The following DGKB variants were observed in gnomAD, a reference collection of about 807,000 sequenced individuals.
The protein encoded by DGKB is 90 kDa diacylglycerol kinase.
Under a neutral mutation model 114.3 loss-of-function variants are expected in DGKB, and 67 were observed. The ratio of observed to expected loss-of-function variants is 0.59; its 90% CI spans 0.48 to 0.72. The LOEUF (loss-of-function observed/expected upper bound fraction) is 0.72. Among genes scored for constraint, DGKB ranks in the 30% least tolerant of loss-of-function variants. DGKB has a pLI of 0.00. For missense variants in DGKB, 907 were observed against 975.2 expected, an observed-to-expected ratio of 0.93 and a Z score of 0.93; for synonymous variants, 398 against 323.1, an observed-to-expected ratio of 1.23 and a Z score of -2.49.
At chr7:14,810,973 G>T (rs977441379) in intron 2 of DGKB, among the ~76,000 whole-genome samples, 1 of 152,074 alleles carries the variant, frequency 6.6e-6, no homozygotes, top group African/African-American at 2.4e-5. Flanking sequence ...ATTTGGAGTA[G>T]CCACCTTTCA....
intron 23 of DGKB, among the ~76,000 whole-genome samples, chr7:14,230,943 TTAC>T (rs1791628393): frequency 6.6e-6 from 1 of 152,012 alleles, no homozygotes; most frequent in East Asian, 1.9e-4. Flanking sequence ...AATTAAATAA[TTAC>T]TATGTTATAA....
At position 14,662,084 on chromosome 7, in the gene DGKB, A is replaced by C. The variant is rs190923336; in HGVS notation, c.1134+10845T>G. 1.2e-3 allele frequency among the ~76,000 whole-genome samples: 189 copies of C among 152,098 alleles called. 3 individuals carry two copies. In the East Asian group the frequency reaches 0.031, roughly 25 times the overall value. On this transcript the variant is annotated intron_variant, in intron 13 of 25. Transcript: ENST00000402815. Reference sequence around the variant, plus strand: ...GTGGGGTTAGGGGAGAGGGATATCAATGGGAGATATACCTAATGCTAGATG... The same window carrying C: ...GTGGGGTTAGGGGAGAGGGATATCACTGGGAGATATACCTAATGCTAGATG...
At chr7:14,314,533 C>T (rs1806096588) in intron 23 of DGKB, among the ~76,000 whole-genome samples, 1 of 151,702 alleles carries the variant, frequency 6.6e-6, no homozygotes, top group Non-Finnish European at 1.5e-5. Context: ...AGGGTATCAG[C>T]AATGGAAGAT....
intron 21 of DGKB, among the ~76,000 whole-genome samples, chr7:14,346,743 T>C (rs1451537828): frequency 1.3e-5 from 2 of 151,956 alleles, no homozygotes; most frequent in Admixed American, 6.6e-5. Flanking sequence ...ATAGAATGGT[T>C]AGGCTTTTAT....
At chr7:14,314,711 G>C (rs1562913200) in intron 23 of DGKB, among the ~76,000 whole-genome samples, 2 of 152,044 alleles carry the variant, frequency 1.3e-5, no homozygotes, top group South Asian at 2.1e-4. Flanking sequence ...ACACTCTGCA[G>C]GATATTATCC....
chr7:14,370,963 A>G (rs1301156964), intron 21 of DGKB, among the ~76,000 whole-genome samples: 1 of 152,174 alleles, frequency 6.6e-6, no homozygotes, highest in East Asian at 1.9e-4. Flanking sequence ...AATGACCTCC[A>G]GCTACATATA....
At chr7:14,587,576 T>A (rs1800989729) in intron 17 of DGKB, among the ~76,000 whole-genome samples, 1 of 152,076 alleles carries the variant, frequency 6.6e-6, no homozygotes, top group Non-Finnish European at 1.5e-5. Flanking sequence ...GCAAACAGCA[T>A]CACATGCTAG....
intron 13 of DGKB, among the ~76,000 whole-genome samples, chr7:14,641,707 T>C (rs1347940610): frequency 1.3e-5 from 2 of 152,152 alleles, no homozygotes; most frequent in Non-Finnish European, 2.9e-5. Context: ...TTAGACTTTC[T>C]ATCACATCTT....
intron 1 of DGKB, among the ~76,000 whole-genome samples, chr7:14,863,746 C>T (rs1851309492): frequency 6.6e-6 from 1 of 151,964 alleles, no homozygotes. Flanking sequence ...ATCAACTTTT[C>T]ATGTTTTTTG....
intron 21 of DGKB, among the ~76,000 whole-genome samples, chr7:14,439,813 T>C (rs1829811579): frequency 7.0e-6 from 1 of 141,882 alleles, no homozygotes; most frequent in Admixed American, 7.6e-5. Context: ...TCAGTGAGCC[T>C]GAGATCATGC....
intron 21 of DGKB, among the ~76,000 whole-genome samples, chr7:14,445,993 C>T (rs1830674800): frequency 6.6e-6 from 1 of 152,050 alleles, no homozygotes; most frequent in Non-Finnish European, 1.5e-5. Flanking sequence ...TTAAATTTCA[C>T]TAACTATAAT....
At chr7:14,407,446 C>T (rs1344351792) in intron 21 of DGKB, among the ~76,000 whole-genome samples, 1 of 151,956 alleles carries the variant, frequency 6.6e-6, no homozygotes, top group Non-Finnish European at 1.5e-5. Context: ...GAGAACTTTG[C>T]TCCAGGATTT....
chr7:14,154,619 T>A (rs1462188118), intron 25 of DGKB, among the ~76,000 whole-genome samples: 12 of 151,910 alleles, frequency 7.9e-5, no homozygotes, highest in Non-Finnish European at 1.6e-4. Flanking sequence ...AATACAGTAA[T>A]GTAAGAGTGT....
chr7:14,630,207 A>T, intron 14 of DGKB, 29 bp downstream of exon 14: 1 of 1,511,142 alleles, frequency 6.6e-7, no homozygotes, highest in East Asian at 2.5e-5. Flanking sequence ...TATAATTTTA[A>T]GTGTGAAAAC....
At chr7:14,896,833 A>C (rs1490096323) in intron 1 of DGKB, among the ~76,000 whole-genome samples, 1 of 151,890 alleles carries the variant, frequency 6.6e-6, no homozygotes, top group Non-Finnish European at 1.5e-5. Context: ...GAAAATGATG[A>C]AACTCAATAA....
chr7:14,360,674 T>A (rs959368506), intron 21 of DGKB, among the ~76,000 whole-genome samples: 2 of 152,022 alleles, frequency 1.3e-5, no homozygotes, highest in Admixed American at 1.3e-4. Flanking sequence ...TGAAGTGGAC[T>A]CAGATTATTA....
intron 20 of DGKB, among the ~76,000 whole-genome samples, chr7:14,503,536 A>T (rs1402687221): frequency 6.6e-6 from 1 of 152,168 alleles, no homozygotes; most frequent in Non-Finnish European, 1.5e-5. Context: ...CCCTTGAGGC[A>T]ATAATAGATT....
At chr7:14,765,724 A>C (rs1220826119) in intron 2 of DGKB, among the ~76,000 whole-genome samples, 1 of 151,988 alleles carries the variant, frequency 6.6e-6, no homozygotes, top group African/African-American at 2.4e-5. Flanking sequence ...TAGAAAATAC[A>C]TTAAGAAAAA....
intron 6 of DGKB, among the ~76,000 whole-genome samples, chr7:14,703,438 T>G (rs567249913): frequency 7.9e-5 from 12 of 152,344 alleles, no homozygotes; most frequent in Admixed American, 1.3e-4. Flanking sequence ...CTGAAACTTC[T>G]TCCTATTTTC....
Sources: allele counts gnomAD v4.1 joint callset (sites outside exome capture counted in the v4.1 genomes callset), GRCh38; gene constraint gnomAD v4.1.1; transcripts MANE v1.5; gene names NCBI Gene and HGNC (gene_info 2026-07-23, HGNC 2026-07-21).